SYK: variants seen among roughly 807,000 people sequenced by gnomAD.
SYK encodes the protein tyrosine-protein kinase SYK.
SYK carries 16 observed loss-of-function variants against 77.8 expected under a neutral mutation model. That is an observed-to-expected ratio of 0.21 (90% CI 0.14 to 0.31). The LOEUF (loss-of-function observed/expected upper bound fraction) is 0.31, where lower values mean the gene tolerates loss of function less well. Ranked by LOEUF, SYK falls within the 10% of genes least tolerant of loss-of-function variation. SYK has a pLI of 1.00. For synonymous variants in SYK, 312 were observed against 308.7 expected, an observed-to-expected ratio of 1.01 and a Z score of -0.11; for missense variants, 529 against 814.4, an observed-to-expected ratio of 0.65 and a Z score of 4.26.
intron 6 of SYK, among the ~76,000 whole-genome samples, chr9:90,866,630 T>A (rs1367283314): frequency 6.6e-6 from 1 of 152,172 alleles, no homozygotes; most frequent in East Asian, 1.9e-4. Flanking sequence ...CATCACCCAA[T>A]GACTACAAGA....
At chr9:90,830,125 TAAG>T (rs1312890110) in intron 1 of SYK, among the ~76,000 whole-genome samples, 1 of 152,268 alleles carries the variant, frequency 6.6e-6, no homozygotes, top group Admixed American at 6.5e-5. Context: ...CTCTATATAC[TAAG>T]AAGTCCCCCA....
intron 10 of SYK, among the ~76,000 whole-genome samples, 182 bp downstream of exon 10, chr9:90,877,962 C>T (rs768994177): frequency 6.6e-6 from 1 of 152,172 alleles, no homozygotes; most frequent in Non-Finnish European, 1.5e-5. Context: ...GGATTCAGCT[C>T]TGTTAGCTCT....
At chr9:90,810,464 G>A (rs1228735585) in intron 1 of SYK, among the ~76,000 whole-genome samples, 1 of 148,124 alleles carries the variant, frequency 6.8e-6, no homozygotes, top group Non-Finnish European at 1.5e-5. Flanking sequence ...CACTCAGAGG[G>A]GTTAGGGAGT....
chr9:90,875,244 T>A (rs10993741), intron 9 of SYK, among the ~76,000 whole-genome samples: 2,307 of 147,376 alleles, frequency 0.016, 44 homozygotes, highest in African/African-American at 0.042. Context: ...ACAAAAAAAA[T>A]AAATAAATAA....
Position 90,884,767 on chromosome 9 carries a change from G to A in SYK, c.1582-2982G>A, listed in dbSNP as rs370947846. 2.3e-3 allele frequency among the ~76,000 whole-genome samples: 35 copies of A among 15,124 alleles called. 6 individuals carry two copies. Among genetic ancestry groups the A allele is most frequent in the African/African-American group, 9.3e-3 (10 of 1,072 alleles). The allele number at this position is 15,124 out of a possible 152,430, so 9.9% of individuals were successfully genotyped here. On this transcript the variant is annotated intron_variant, in intron 11 of 13. Transcript: ENST00000375754. Reference sequence around the variant, plus strand: ...TACACATATACACATATGTGTACATGCACATATACACATGTGTACATGCAC... The same window carrying A: ...TACACATATACACATATGTGTACATACACATATACACATGTGTACATGCAC...
At chr9:90,876,388 T>A (rs886579030) in intron 9 of SYK, among the ~76,000 whole-genome samples, 11 of 152,006 alleles carry the variant, frequency 7.2e-5, no homozygotes, top group Non-Finnish European at 1.5e-4. Context: ...GTAAATTAGA[T>A]ACACATACAT....
At chr9:90,801,709 G>C (rs554316986), upstream of SYK, 1 of 151,572 alleles carries the variant, frequency 6.6e-6, no homozygotes, top group South Asian at 2.2e-4. Flanking sequence ...TCAGCAGGGC[G>C]GGCCAGGGCG....
chr9:90,894,301 C>T (rs1249106609), intron 13 of SYK, among the ~76,000 whole-genome samples: 7 of 152,184 alleles, frequency 4.6e-5, no homozygotes, highest in Admixed American at 3.3e-4. Flanking sequence ...CCTCTCGGAA[C>T]ACACTTGGTG....
At chr9:90,865,378 G>A (rs1827444779) in intron 6 of SYK, among the ~76,000 whole-genome samples, 1 of 151,938 alleles carries the variant, frequency 6.6e-6, no homozygotes, top group Non-Finnish European at 1.5e-5. Context: ...TGCAATCACG[G>A]CTCACTGCAA....
intron 1 of SYK, among the ~76,000 whole-genome samples, chr9:90,830,581 CTTTT>C (rs57804863): frequency 2.7e-5 from 3 of 111,554 alleles, no homozygotes; most frequent in African/African-American, 3.9e-5. Flanking sequence ...ACTCATTCCT[CTTTT>C]TTTTTTTTTT....
intron 1 of SYK, among the ~76,000 whole-genome samples, chr9:90,802,328 T>C (rs191493008): frequency 3.3e-4 from 50 of 152,320 alleles, no homozygotes; most frequent in African/African-American, 9.1e-4. Flanking sequence ...TGCCGCAGTG[T>C]TTATCAAAGT....
intron 1 of SYK, among the ~76,000 whole-genome samples, chr9:90,803,689 GGTT>G (rs1357834934): frequency 6.6e-6 from 1 of 151,818 alleles, no homozygotes; most frequent in Non-Finnish European, 1.5e-5. Context: ...GTTTGCCCAT[GGTT>G]ATAATCCAAT....
intron 1 of SYK, among the ~76,000 whole-genome samples, chr9:90,836,834 G>A (rs1461232504): frequency 1.3e-5 from 2 of 152,206 alleles, no homozygotes; most frequent in Non-Finnish European, 2.9e-5. Context: ...TGAATTGCTT[G>A]ATGAGGATTG....
chr9:90,862,404 C>T (rs1181357800), intron 4 of SYK, 60 bp downstream of exon 4: 1 of 1,558,302 alleles, frequency 6.4e-7, no homozygotes, highest in Non-Finnish European at 8.7e-7. Flanking sequence ...GGCTCCTTGT[C>T]CCATGGACTC....
intron 9 of SYK, among the ~76,000 whole-genome samples, chr9:90,876,303 A>G (rs10821516): frequency 0.29 from 32,078 of 108,826 alleles, 4,444 homozygotes; most frequent in Middle Eastern, 0.46. Flanking sequence ...AAAAAAAAAA[A>G]AAAGAAAGAA....
chr9:90,884,482 C>CATATAT (rs1564121271), intron 11 of SYK, among the ~76,000 whole-genome samples: 1 of 6,686 alleles, frequency 1.5e-4, no homozygotes, highest in Non-Finnish European at 2.2e-4. Flanking sequence ...TATACATACA[C>CATATAT]ACACATACAC....
intron 13 of SYK, among the ~76,000 whole-genome samples, chr9:90,893,038 G>A (rs72729085): frequency 0.024 from 3,629 of 152,330 alleles, 118 homozygotes; most frequent in East Asian, 0.15. Flanking sequence ...GCCACTGCCG[G>A]AGCTCCTGCT....
chr9:90,824,839 A>T (rs1825619813), intron 1 of SYK, among the ~76,000 whole-genome samples: 1 of 152,242 alleles, frequency 6.6e-6, no homozygotes, highest in South Asian at 2.1e-4. Context: ...CTCTCTTACC[A>T]CTCTGTTCAA....
At chr9:90,827,626 C>T (rs1306570330) in intron 1 of SYK, 1 of 152,170 alleles carries the variant, frequency 6.6e-6, no homozygotes, top group East Asian at 1.9e-4. Flanking sequence ...ACCCTAACCT[C>T]AGGCTCTGCG....
Sources: allele counts gnomAD v4.1 joint callset (sites outside exome capture counted in the v4.1 genomes callset), GRCh38; gene constraint gnomAD v4.1.1; transcripts MANE v1.5; gene names NCBI Gene and HGNC (gene_info 2026-07-23, HGNC 2026-07-21).